MOSPD1: variants seen among roughly 807,000 people sequenced by gnomAD.
MOSPD1 encodes motile sperm domain containing 1, also known as motile sperm domain-containing protein 1.
Under a neutral mutation model 16.7 loss-of-function variants are expected in MOSPD1, and 5 were observed. That is an observed-to-expected ratio of 0.30 (90% confidence interval 0.16 to 0.63). MOSPD1 has a LOEUF of 0.63. Among genes scored for constraint, MOSPD1 ranks in the 30% least tolerant of loss-of-function variants. MOSPD1 has a pLI of 0.82. For synonymous variants in MOSPD1, 67 were observed against 59.2 expected, an observed-to-expected ratio of 1.13 and a Z score of -0.61; for missense variants, 104 against 153.6, an observed-to-expected ratio of 0.68 and a Z score of 1.71.
intron 1 of MOSPD1, among the ~76,000 whole-genome samples, chrX:134,914,639 T>G (rs780798477): frequency 9.0e-5 from 10 of 111,646 alleles, no homozygotes; most frequent in African/African-American, 3.3e-4. Flanking sequence ...CCTACTTTCA[T>G]CTCCCTCCAG....
intron 4 of MOSPD1, among the ~76,000 whole-genome samples, chrX:134,893,708 CCTTA>C (rs2082873207): frequency 9.2e-6 from 1 of 108,480 alleles, no homozygotes. Context: ...GTTTTTTTTT[CCTTA>C]CTTAGAAATA....
At chrX:134,899,246 T>C in intron 2 of MOSPD1, 34 bp downstream of exon 2, 2 of 1,182,065 alleles carry the variant, frequency 1.7e-6, no homozygotes, top group Non-Finnish European at 2.3e-6. Flanking sequence ...TAGGGACCAG[T>C]TAAAAACCCA....
intron 4 of MOSPD1, among the ~76,000 whole-genome samples, chrX:134,896,082 CAA>C (rs2082883596): frequency 9.0e-6 from 1 of 111,495 alleles, no homozygotes; most frequent in Non-Finnish European, 1.9e-5. Context: ...GTATCACCAT[CAA>C]AAAGTTTCCA....
At chrX:134,889,594 C>G (rs2082851294) in intron 5 of MOSPD1, among the ~76,000 whole-genome samples, 1 of 111,671 alleles carries the variant, frequency 9.0e-6, no homozygotes. Flanking sequence ...AGAAGTATGG[C>G]ATTCCTACTT....
chrX:134,897,173 T>TA (rs2082889208), intron 3 of MOSPD1, 139 bp from the exon 4 acceptor site: 2 of 436,682 alleles, frequency 4.6e-6, no homozygotes, highest in African/African-American at 2.5e-5. Flanking sequence ...GCTAAGATGT[T>TA]AAAAAATCAC....
Position 134,889,182 on chromosome X carries a change from T to C in MOSPD1, c.621A>G (p.Thr207=), listed in dbSNP as rs749292935. ...LVAAYILGLI[T]MAILRT ...TTGCTCATGTTCTAAGTATGGCCATTGTGATAAGACCTGAAAGAAGAAAAA... is the reference window on the plus strand; with the variant it reads ...TTGCTCATGTTCTAAGTATGGCCATCGTGATAAGACCTGAAAGAAGAAAAA... Residue 207 remains threonine, a synonymous_variant, in exon 6 of 6, where the codon ACA becomes ACG. Transcript: ENST00000370783. 1 of 1,194,156 alleles carries C rather than the reference T, an allele frequency of 8.4e-7. No individual in the cohort carries two copies. Among genetic ancestry groups the C allele is most frequent in the South Asian group, 1.8e-5 (1 of 54,096 alleles).
At chrX:134,909,456 T>C (rs1463079951) in intron 1 of MOSPD1, among the ~76,000 whole-genome samples, 11 of 111,696 alleles carry the variant, frequency 9.8e-5, no homozygotes, top group Non-Finnish European at 1.9e-4. Context: ...TGATTAAGGT[T>C]CCCAGCTCCA....
intron 4 of MOSPD1, among the ~76,000 whole-genome samples, chrX:134,894,248 CTT>C (rs1194912634): frequency 8.9e-6 from 1 of 111,783 alleles, no homozygotes; most frequent in Non-Finnish European, 1.9e-5. Flanking sequence ...ATACAATAAA[CTT>C]AAATTTTTTT....
At chrX:134,891,391 GA>G (rs369970722) in intron 5 of MOSPD1, 87 bp downstream of exon 5, 74,857 of 623,357 alleles carry the variant, frequency 0.12, no homozygotes, top group East Asian at 0.15. Context: ...TGTTCTTTGG[GA>G]AAAAAAAAAA....
At chrX:134,889,880 G>A (rs1249531790) in intron 5 of MOSPD1, among the ~76,000 whole-genome samples, 1 of 110,223 alleles carries the variant, frequency 9.1e-6, no homozygotes, top group Non-Finnish European at 1.9e-5. Context: ...AGACAAGCCT[G>A]GCCAACATGG....
At chrX:134,908,378 T>C (rs1428910382) in intron 1 of MOSPD1, among the ~76,000 whole-genome samples, 1 of 112,078 alleles carries the variant, frequency 8.9e-6, no homozygotes, top group Non-Finnish European at 1.9e-5. Flanking sequence ...AAATCTTAAG[T>C]GGCTGCTCAC....
intron 1 of MOSPD1, among the ~76,000 whole-genome samples, chrX:134,913,217 A>G (rs1189280104): frequency 3.6e-5 from 4 of 110,387 alleles, no homozygotes; most frequent in Non-Finnish European, 7.6e-5. Flanking sequence ...TCCACTAAAC[A>G]TACAAAAAGT....
intron 4 of MOSPD1, among the ~76,000 whole-genome samples, chrX:134,893,499 C>T (rs1369216735): frequency 8.9e-6 from 1 of 111,789 alleles, no homozygotes; most frequent in Non-Finnish European, 1.9e-5. Context: ...AAGCTTTTTT[C>T]CCTAGTACTA....
chrX:134,906,473 C>T (rs1437614815), intron 1 of MOSPD1, among the ~76,000 whole-genome samples: 1 of 109,715 alleles, frequency 9.1e-6, no homozygotes, highest in East Asian at 2.8e-4. Flanking sequence ...CATGAGCCAC[C>T]GCGCCCAGCT....
intron 1 of MOSPD1, among the ~76,000 whole-genome samples, chrX:134,911,591 T>C (rs775267356): frequency 2.3e-4 from 26 of 112,549 alleles, no homozygotes; most frequent in African/African-American, 7.4e-4. Context: ...TACGTGAGTC[T>C]TCTGGTCTGT....
intron 1 of MOSPD1, among the ~76,000 whole-genome samples, chrX:134,905,460 C>G (rs1263229226): frequency 1.8e-5 from 2 of 108,568 alleles, no homozygotes; most frequent in Non-Finnish European, 3.8e-5. Context: ...CCGCGTTTGT[C>G]CCTGGAGAGA....
At chrX:134,911,602 T>C (rs2082971950) in intron 1 of MOSPD1, among the ~76,000 whole-genome samples, 1 of 112,396 alleles carries the variant, frequency 8.9e-6, no homozygotes, top group Non-Finnish European at 1.9e-5. Flanking sequence ...TCTGGTCTGT[T>C]TGGCAGTTCT....
chrX:134,889,422 T>C (rs762343055), intron 5 of MOSPD1, among the ~76,000 whole-genome samples: 4 of 112,114 alleles, frequency 3.6e-5, no homozygotes, highest in African/African-American at 6.5e-5. Context: ...TGTCTGGCCA[T>C]AGCAAATCTA....
intron 1 of MOSPD1, among the ~76,000 whole-genome samples, chrX:134,914,072 T>C (rs1161020598): frequency 8.9e-6 from 1 of 112,175 alleles, no homozygotes; most frequent in African/African-American, 3.2e-5. Flanking sequence ...CATGTGTGCC[T>C]TGCCTGAAAA....
Sources: allele counts gnomAD v4.1 joint callset (sites outside exome capture counted in the v4.1 genomes callset), GRCh38; gene constraint gnomAD v4.1.1; transcripts MANE v1.5; gene names NCBI Gene and HGNC (gene_info 2026-07-23, HGNC 2026-07-21).